The following ABTB3 variants were observed in gnomAD, a reference collection of about 807,000 sequenced individuals.
The protein encoded by ABTB3 is ankyrin repeat and BTB domain containing 3, also known as ankyrin repeat- and BTB/POZ domain-containing protein 3.
the ABTB3 span, chr12:107,581,367 C>A: frequency 1.6e-6 from 2 of 1,243,280 alleles, no homozygotes; most frequent in Non-Finnish European, 2.0e-6. Context: ...CAGCCTCCAC[C>A]CCTCCAATCA....
chr12:107,346,370 T>G, the ABTB3 span, among the ~76,000 whole-genome samples: 1 of 152,146 alleles, frequency 6.6e-6, no homozygotes, highest in East Asian at 1.9e-4. Flanking sequence ...AAATGGCCCC[T>G]TGTGATGGTC....
the ABTB3 span, among the ~76,000 whole-genome samples, chr12:107,476,917 T>C: frequency 0.012 from 1,792 of 152,202 alleles, 44 homozygotes; most frequent in African/African-American, 0.039. Flanking sequence ...ATGTAGCCAA[T>C]AGGATATTCA....
the ABTB3 span, among the ~76,000 whole-genome samples, chr12:107,552,559 C>T: frequency 1.3e-5 from 2 of 152,168 alleles, no homozygotes; most frequent in Admixed American, 1.3e-4. Context: ...GGATAGCCTT[C>T]AAAAGCATGA....
At chr12:107,643,042 C>T in the ABTB3 span, among the ~76,000 whole-genome samples, 1 of 152,122 alleles carries the variant, frequency 6.6e-6, no homozygotes, top group African/African-American at 2.4e-5. Context: ...CACATGAAGG[C>T]TGTGTAGTCC....
chr12:107,567,890 G>C, the ABTB3 span, among the ~76,000 whole-genome samples: 1 of 152,126 alleles, frequency 6.6e-6, no homozygotes, highest in Non-Finnish European at 1.5e-5. Context: ...ACCAGTCCCT[G>C]GTGCCAAAAA....
At chr12:107,507,938 G>A in the ABTB3 span, among the ~76,000 whole-genome samples, 1 of 152,222 alleles carries the variant, frequency 6.6e-6, no homozygotes, top group African/African-American at 2.4e-5. Flanking sequence ...TAGAGTACCT[G>A]TAACACTCAT....
the ABTB3 span, among the ~76,000 whole-genome samples, chr12:107,589,795 G>A: frequency 6.6e-6 from 1 of 152,240 alleles, no homozygotes; most frequent in African/African-American, 2.4e-5. Context: ...TGATTGTGGG[G>A]CTTGGCACAT....
the ABTB3 span, among the ~76,000 whole-genome samples, chr12:107,483,928 G>A: frequency 2.0e-4 from 31 of 152,312 alleles, no homozygotes; most frequent in African/African-American, 6.5e-4. Flanking sequence ...CTGGCCTCAA[G>A]TGATCCTCCC....
At chr12:107,412,071 G>C in the ABTB3 span, among the ~76,000 whole-genome samples, 1 of 152,204 alleles carries the variant, frequency 6.6e-6, no homozygotes, top group Non-Finnish European at 1.5e-5. Context: ...TTTAGGAATG[G>C]TGGATCTTAT....
chr12:107,648,006 G>A, the ABTB3 span, among the ~76,000 whole-genome samples: 4 of 152,166 alleles, frequency 2.6e-5, no homozygotes, highest in South Asian at 2.1e-4. Flanking sequence ...CCAAAAAAGG[G>A]AGGTAACCAG....
the ABTB3 span, among the ~76,000 whole-genome samples, chr12:107,553,300 C>T: frequency 4.6e-5 from 7 of 152,158 alleles, no homozygotes; most frequent in African/African-American, 1.7e-4. Context: ...TGTGTATTAA[C>T]TCATTCAGTC....
chr12:107,522,959 T>C, the ABTB3 span, among the ~76,000 whole-genome samples: 74,558 of 151,986 alleles, frequency 0.49, 18,856 homozygotes, highest in African/African-American at 0.6. Context: ...TGAGTCTGAC[T>C]AACCAGAGGA....
the ABTB3 span, among the ~76,000 whole-genome samples, chr12:107,585,891 G>A: frequency 6.6e-6 from 1 of 152,230 alleles, no homozygotes; most frequent in Non-Finnish European, 1.5e-5. Context: ...AACCCTTGGT[G>A]TCAAAAGTTA....
chr12:107,622,738 T>A, the ABTB3 span, among the ~76,000 whole-genome samples: 2 of 152,170 alleles, frequency 1.3e-5, no homozygotes, highest in African/African-American at 4.8e-5. Context: ...CCTCCCCAGG[T>A]GCTGGGATTA....
chr12:107,392,976 G>A, the ABTB3 span, among the ~76,000 whole-genome samples: 1 of 152,180 alleles, frequency 6.6e-6, no homozygotes, highest in African/African-American at 2.4e-5. Flanking sequence ...GAAGGATGCA[G>A]GCTTGCTCCT....
the ABTB3 span, among the ~76,000 whole-genome samples, chr12:107,412,791 C>G: frequency 1.3e-5 from 2 of 151,976 alleles, no homozygotes; most frequent in East Asian, 3.9e-4. Context: ...TGCCCCTCCC[C>G]CTCCACCCTA....
At chr12:107,618,714 C>T in the ABTB3 span, among the ~76,000 whole-genome samples, 6 of 152,214 alleles carry the variant, frequency 3.9e-5, no homozygotes, top group Non-Finnish European at 8.8e-5. Context: ...CCAGGCCCTA[C>T]ACCCAGAGGC....
the ABTB3 span, chr12:107,581,298 A>G: frequency 6.4e-6 from 9 of 1,401,088 alleles, no homozygotes; most frequent in Non-Finnish European, 8.3e-6. Flanking sequence ...GAGCCGCGCC[A>G]GCTCAGGTAG....
chr12:107,364,708 A>G, the ABTB3 span, among the ~76,000 whole-genome samples: 6 of 152,216 alleles, frequency 3.9e-5, no homozygotes, highest in Non-Finnish European at 8.8e-5. Context: ...GAAAGGGCCC[A>G]GAAGCAGCGG....
Sources: gnomAD v4.1 joint callset for allele counts (sites outside exome capture counted in the v4.1 genomes callset) on GRCh38, gnomAD v4.1.1 for gene constraint, MANE v1.5 for transcripts, NCBI Gene and HGNC (gene_info 2026-07-23, HGNC 2026-07-21) for gene names.